UTRN: variants seen among roughly 807,000 people sequenced by gnomAD.
UTRN encodes dystrophin-related protein 1.
UTRN carries 283 observed loss-of-function variants against 463.9 expected under a neutral mutation model. That is an observed-to-expected ratio of 0.61 (90% CI 0.55 to 0.67). The LOEUF (loss-of-function observed/expected upper bound fraction) is 0.67, where lower values mean the gene tolerates loss of function less well. Ranked by LOEUF, UTRN falls within the 30% of genes least tolerant of loss-of-function variation. The pLI is 0.00. For synonymous variants in UTRN, 1,442 were observed against 1,431.5 expected, an observed-to-expected ratio of 1.01 and a Z score of -0.17; for missense variants, 3,922 against 4,084.3, an observed-to-expected ratio of 0.96 and a Z score of 1.08.
intron 2 of UTRN, among the ~76,000 whole-genome samples, chr6:144,305,257 A>T (rs929106299): frequency 6.6e-6 from 1 of 152,232 alleles, no homozygotes; most frequent in Non-Finnish European, 1.5e-5. Context: ...AGGTTGCACA[A>T]TGTATTGAAT....
chr6:144,486,717 A>T (rs146441998), intron 28 of UTRN, among the ~76,000 whole-genome samples: 1,620 of 152,230 alleles, frequency 0.011, 36 homozygotes, highest in African/African-American at 0.037. Flanking sequence ...ATGGGGTTTT[A>T]CCATGTCGGC....
intron 12 of UTRN, 127 bp downstream of exon 12, chr6:144,439,022 A>T: frequency 1.0e-6 from 1 of 1,003,470 alleles, no homozygotes; most frequent in Non-Finnish European, 1.5e-6. Flanking sequence ...GTCTTCATTT[A>T]GCAGCTCACA....
intron 50 of UTRN, among the ~76,000 whole-genome samples, chr6:144,559,400 T>C (rs915121428): frequency 6.6e-6 from 1 of 152,112 alleles, no homozygotes; most frequent in Admixed American, 6.6e-5. Context: ...AACTGGCTCA[T>C]AGGATCCCTT....
rs1792325423 is a variant in UTRN at position 144,485,313 on chromosome 6, G to T, written c.3688-72G>T. ...CCAAATGAAATTATTAGCGATTAAA[G>T]AGAATGTGTAGTACTAGAGATACGA... On this transcript the variant is annotated intron_variant, in intron 27 of 74. Transcript: ENST00000367545. The T allele has an allele frequency of 2.6e-6, 4 of 1,567,966 alleles. No individual in the cohort carries two copies. In the Admixed American group the frequency reaches 5.4e-5, roughly 21 times the overall value.
chr6:144,336,788 G>A (rs984240847), intron 2 of UTRN, among the ~76,000 whole-genome samples: 4 of 150,782 alleles, frequency 2.7e-5, no homozygotes, highest in East Asian at 1.9e-4. Flanking sequence ...TATCAATTTC[G>A]TTCACTGTTG....
intron 34 of UTRN, among the ~76,000 whole-genome samples, chr6:144,510,094 A>T (rs1449064306): frequency 6.6e-6 from 1 of 152,190 alleles, no homozygotes; most frequent in African/African-American, 2.4e-5. Flanking sequence ...TATGCTTTCC[A>T]AGGTGTGATT....
chr6:144,493,226 G>A, intron 32 of UTRN, 75 bp from the exon 33 acceptor site: 1 of 1,448,310 alleles, frequency 6.9e-7, no homozygotes, highest in Middle Eastern at 1.8e-4. Flanking sequence ...TGTGTAAGCT[G>A]TGGTCTGACA....
At chr6:144,309,675 C>T (rs1371458511) in intron 2 of UTRN, among the ~76,000 whole-genome samples, 1 of 152,188 alleles carries the variant, frequency 6.6e-6, no homozygotes, top group African/African-American at 2.4e-5. Context: ...TCTCTGCTTC[C>T]TCCCTTGGCC....
At chr6:144,718,133 G>C (rs1245922726) in intron 53 of UTRN, among the ~76,000 whole-genome samples, 1 of 152,118 alleles carries the variant, frequency 6.6e-6, no homozygotes, top group Non-Finnish European at 1.5e-5. Context: ...TTCAGTCTGA[G>C]ACAAGAGCTG....
intron 53 of UTRN, among the ~76,000 whole-genome samples, chr6:144,713,528 C>T (rs1178223370): frequency 1.3e-5 from 2 of 151,622 alleles, no homozygotes; most frequent in African/African-American, 2.4e-5. Context: ...GCAGGAGAAT[C>T]GCTTGAACCT....
intron 2 of UTRN, among the ~76,000 whole-genome samples, chr6:144,369,007 T>C (rs1390149006): frequency 6.6e-6 from 1 of 152,216 alleles, no homozygotes; most frequent in Non-Finnish European, 1.5e-5. Context: ...TCTCTTAAGA[T>C]AGTGTTCATA....
intron 2 of UTRN, among the ~76,000 whole-genome samples, chr6:144,321,202 C>G (rs1226165683): frequency 1.4e-5 from 2 of 144,102 alleles, no homozygotes; most frequent in Non-Finnish European, 3.1e-5. Flanking sequence ...AACCGTTTTA[C>G]TATTTACAAA....
chr6:144,730,931 A>G (rs1396806596), intron 54 of UTRN, among the ~76,000 whole-genome samples: 2 of 151,266 alleles, frequency 1.3e-5, no homozygotes, highest in Non-Finnish European at 3.0e-5. Flanking sequence ...CAAGCAGACA[A>G]CATTTCTTTA....
intron 51 of UTRN, among the ~76,000 whole-genome samples, chr6:144,672,009 C>A (rs147983883): frequency 6.6e-6 from 1 of 151,964 alleles, no homozygotes; most frequent in Non-Finnish European, 1.5e-5. Flanking sequence ...GTATGAAACC[C>A]GTTTGATCAT....
intron 2 of UTRN, among the ~76,000 whole-genome samples, chr6:144,323,282 C>T (rs796071204): frequency 1.2e-4 from 18 of 152,278 alleles, no homozygotes; most frequent in African/African-American, 4.3e-4. Context: ...ATCATGACCA[C>T]TAGGTAAATG....
chr6:144,591,764 C>T (rs530077485), intron 51 of UTRN, among the ~76,000 whole-genome samples: 1 of 151,400 alleles, frequency 6.6e-6, no homozygotes, highest in African/African-American at 2.4e-5. Flanking sequence ...ATTTAGTATT[C>T]TTGGTATAAA....
intron 51 of UTRN, among the ~76,000 whole-genome samples, chr6:144,581,055 A>G (rs901311030): frequency 6.6e-6 from 1 of 152,224 alleles, no homozygotes; most frequent in African/African-American, 2.4e-5. Context: ...GTTGCAAGTT[A>G]GCGGGAAATG....
intron 1 of UTRN, among the ~76,000 whole-genome samples, chr6:144,290,798 C>T (rs986794498): frequency 2.5e-5 from 3 of 121,484 alleles, no homozygotes; most frequent in South Asian, 2.7e-4. Context: ...GAGTCTCACT[C>T]TCGTTGCCCA....
At chr6:144,722,228 A>C (rs540214808) in intron 53 of UTRN, among the ~76,000 whole-genome samples, 1 of 152,128 alleles carries the variant, frequency 6.6e-6, no homozygotes, top group African/African-American at 2.4e-5. Context: ...CTAGGCATGC[A>C]CTTGCCTCAG....
Sources: gnomAD v4.1 joint callset for allele counts (sites outside exome capture counted in the v4.1 genomes callset) on GRCh38, gnomAD v4.1.1 for gene constraint, MANE v1.5 for transcripts, NCBI Gene and HGNC (gene_info 2026-07-23, HGNC 2026-07-21) for gene names.